The following GJD2 variants were observed in gnomAD, a reference collection of about 807,000 sequenced individuals.
The protein encoded by GJD2 is gap junction delta-2 protein.
In GJD2, 12 loss-of-function variants were observed where a neutral mutation model predicts 24.3. That is an observed-to-expected ratio of 0.49 (90% CI 0.32 to 0.80). The LOEUF (loss-of-function observed/expected upper bound fraction) is 0.80, where lower values mean the gene tolerates loss of function less well. Ranked by LOEUF, GJD2 falls within the 30% of genes least tolerant of loss-of-function variation. GJD2 has a pLI of 0.04. For synonymous variants in GJD2, 171 were observed against 155.2 expected (o/e 1.10, Z -0.76); for missense variants, 268 against 402.4 (o/e 0.67, Z 2.86).
Position 34,753,069 on chromosome 15 carries a change from T to G in GJD2, c.375A>C (p.Gly125=), listed in dbSNP as rs762797916. The G allele has an allele frequency of 2.5e-6, 4 of 1,613,884 alleles. No homozygotes were observed. Among genetic ancestry groups the G allele is most frequent in the Non-Finnish European group, 3.4e-6 (4 of 1,179,998 alleles). The change falls in exon 2 of 2, where the codon GGA becomes GGC. Residue 125 remains glycine (G), a synonymous_variant. Transcript: ENST00000290374. ...CCCCACCCCCAGTTCCTCCAGGACC[T>G]CCTATGGACTCAGGGGGGTCTCTGT... ...ALDRDPPESI[G]GPGGTGGGGS...
rs1240084201 is a variant in GJD2, at chr15:34,752,399, G to A, written c.*79C>T. The A allele has an allele frequency of 2.6e-6, 3 of 1,144,562 alleles. No homozygotes were observed. The highest frequency in any genetic ancestry group is 3.8e-6 in the Non-Finnish European group (3 of 790,536). 70.9% of individuals were successfully genotyped at this position (1,144,562 alleles called of 1,614,324 possible). On this transcript the variant is annotated 3_prime_UTR_variant, in exon 2 of 2. Coordinates refer to ENST00000290374, the MANE Select transcript of GJD2 (RefSeq NM_020660.3). ...TAATGGTGAGGGTCACATAAATGAG[G>A]GTGGATACAGCCACGTCTGAGCAGT...
In GJD2 at chr15:34,754,355, G is replaced by A. The variant is rs1447855082; in HGVS notation, c.71+63C>T. ...TTGGAGCGGGAGACTCAGTCCAGGTGTGAGAAGGGACTCCCGGGGGCCGCC... is the reference window on the plus strand; with the variant it reads ...TTGGAGCGGGAGACTCAGTCCAGGTATGAGAAGGGACTCCCGGGGGCCGCC... On this transcript the variant is annotated intron_variant, in intron 1 of 1. Transcript: ENST00000290374. This position sits in a 1 kb window ranked among gnomAD's most constrained non-coding sequence, Gnocchi z 5.9. The A allele has an allele frequency of 8.8e-6, 10 of 1,130,506 alleles. No individual in the cohort carries two copies. Among genetic ancestry groups the A allele is most frequent in the Middle Eastern group, 2.5e-4 (1 of 3,984 alleles). 70.0% of individuals were successfully genotyped at this position (1,130,506 alleles called of 1,614,324 possible). A position where few individuals can be genotyped will look rare whatever the true frequency, so the allele number is the denominator to read the frequency against.
Position 34,752,592 on chromosome 15 carries a change from C to T in GJD2, c.852G>A (p.Val284=). Residue 284 remains valine (V), a synonymous_variant, in exon 2 of 2, where the codon GTG becomes GTA. Transcript: ENST00000290374. ...HLGWRKIKLA[V]RGAQAKRKSI... ...ACTTTCTCTTGGCCTGAGCCCCTCG[C>T]ACAGCCAGCTTGATCTTGCGCCATC... 6 of 1,614,238 alleles carry T rather than the reference C, an allele frequency of 3.7e-6. No homozygotes were observed. The highest frequency in any genetic ancestry group is 5.1e-6 in the Non-Finnish European group (6 of 1,180,042).
At position 34,752,742 on chromosome 15, in the gene GJD2, G is replaced by A. The variant is rs1000561441; in HGVS notation, c.702C>T (p.Tyr234=). The A allele has an allele frequency of 2.5e-6, 4 of 1,614,070 alleles. No individual in the cohort carries two copies. Among genetic ancestry groups the A allele is most frequent in the African/African-American group, 2.7e-5 (2 of 74,932 alleles). Reference sequence around the variant, plus strand: ...AACATTCCACCTCCTTGATGCAGGGGTAGCGGTTACACTCATACAACCCTG... The same window carrying A: ...AACATTCCACCTCCTTGATGCAGGGATAGCGGTTACACTCATACAACCCTG... ...SVPGLYECNR[Y]PCIKEVECYV... The change falls in exon 2 of 2, where the codon TAC becomes TAT. Residue 234 remains tyrosine, a synonymous_variant. Coordinates refer to ENST00000290374, the MANE Select transcript of GJD2 (RefSeq NM_020660.3).
At position 34,754,357 on chromosome 15, in the gene GJD2, G is replaced by A; in HGVS notation, c.71+61C>T. On this transcript the variant is annotated intron_variant, in intron 1 of 1. Coordinates refer to ENST00000290374, the MANE Select transcript of GJD2 (RefSeq NM_020660.3). The surrounding 1 kb of genome is among the most constrained non-coding windows in gnomAD (Gnocchi z 5.9). ...GGAGCGGGAGACTCAGTCCAGGTGT[G>A]AGAAGGGACTCCCGGGGGCCGCCCG... The A allele has an allele frequency of 8.6e-7, 1 of 1,163,724 alleles. No homozygotes were observed. The highest frequency in any genetic ancestry group is 1.2e-5 in the South Asian group (1 of 81,586). The allele number at this position is 1,163,724 out of a possible 1,614,324, so 72.1% of individuals were successfully genotyped here.
rs570170803 is a variant in GJD2, at chr15:34,754,239, G to T, written c.71+179C>A. 3.0e-4 allele frequency among the ~76,000 whole-genome samples: 45 copies of T among 152,294 alleles called. No homozygotes were observed. The highest frequency in any genetic ancestry group is 9.4e-4 in the African/African-American group (39 of 41,578). Reference sequence around the variant, plus strand: ...GGTTAGGAGTAGCTAGAGGAGGGGGGCATCGCGGGGCGTCGGGTAATCCCT... The same window carrying T: ...GGTTAGGAGTAGCTAGAGGAGGGGGTCATCGCGGGGCGTCGGGTAATCCCT... On this transcript the variant is annotated intron_variant, in intron 1 of 1. Coordinates refer to ENST00000290374, the MANE Select transcript of GJD2 (RefSeq NM_020660.3). The surrounding 1 kb of genome is among the most constrained non-coding windows in gnomAD (Gnocchi z 5.9).
rs1891120227 is a variant in GJD2 at position 34,752,667 on chromosome 15, A to G, written c.777T>C (p.Ala259=). Residue 259 remains alanine (A), a synonymous_variant, in exon 2 of 2, where the codon GCT becomes GCC. Coordinates refer to ENST00000290374, the MANE Select transcript of GJD2 (RefSeq NM_020660.3). Reference sequence around the variant, plus strand: ...TGAGCACAACACAGATGCCACTTACAGCAAACATGAACACTAGAAAGACAG... The same window carrying G: ...TGAGCACAACACAGATGCCACTTACGGCAAACATGAACACTAGAAAGACAG... ...EKTVFLVFMF[A]VSGICVVLNL... is the part of the protein sequence containing the mutation. 1 of 1,614,240 alleles carries G rather than the reference A, an allele frequency of 6.2e-7. No homozygotes were observed. The highest frequency in any genetic ancestry group is 1.3e-5 in the African/African-American group (1 of 75,060).
Position 34,754,302 on chromosome 15 carries a change from G to A in GJD2, c.71+116C>T. The A allele has an allele frequency of 1.3e-6, 1 of 752,482 alleles. No homozygotes were observed. Among genetic ancestry groups the A allele is most frequent in the Non-Finnish European group, 2.3e-6 (1 of 426,826 alleles). The allele number at this position is 752,482 out of a possible 1,614,324, so 46.6% of individuals were successfully genotyped here. ...CACCGGAGCCTTGACCTAGGACGAT[G>A]GGGAGGAGGCAGAGGACGGACTGGG... On this transcript the variant is annotated intron_variant, in intron 1 of 1. Transcript: ENST00000290374. This position sits in a 1 kb window ranked among gnomAD's most constrained non-coding sequence, Gnocchi z 5.9.
At position 34,752,567 on chromosome 15, in the gene GJD2, A is replaced by G. The variant is rs765811174; in HGVS notation, c.877T>C (p.Ser293Pro). 4 of 1,614,194 alleles carry G rather than the reference A, an allele frequency of 2.5e-6. No individual in the cohort carries two copies. Among genetic ancestry groups the G allele is most frequent in the Non-Finnish European group, 3.4e-6 (4 of 1,180,030 alleles). ...AVRGAQAKRK[S>P]IYEIRNKDLP... ...TCCTTGTTACGAATCTCATAGATTG[A>G]CTTTCTCTTGGCCTGAGCCCCTCGC... Residue 293 changes from serine to proline, a missense_variant, in exon 2 of 2, where the codon TCA (serine) becomes CCA (proline). Physicochemically the swap from Ser to Pro is moderately conservative, Grantham distance 74. This residue lies in a region of GJD2 where 115 missense variants were observed against 195.2 expected (regional missense o/e 0.59). Transcript: ENST00000290374.
rs147559225 is a variant in GJD2 at position 34,753,218 on chromosome 15, T to G, written c.226A>C (p.Ile76Leu). 211 of 1,614,030 alleles carry G rather than the reference T, an allele frequency of 1.3e-4. No homozygotes were observed. Among genetic ancestry groups the G allele is most frequent in the Non-Finnish European group, 1.8e-4 (207 of 1,180,028 alleles). ...ATGATCTGGAAGACCCAGTAACGTA[T>G]GTGGGAGATGGGGAAGGCGCGGTCA... ...CYDRAFPISH[I>L]RYWVFQIIMV... is the part of the protein sequence containing the mutation. The change falls in exon 2 of 2, where the codon ATA (isoleucine) becomes CTA (leucine). Residue 76 changes from isoleucine (I) to leucine (L), a missense_variant. This residue lies in a region of GJD2 where 66 missense variants were observed against 129.5 expected (regional missense o/e 0.51). Transcript: ENST00000290374.
chr15:34,752,554 A>G lies in GJD2; in HGVS notation c.890T>C (p.Ile297Thr), dbSNP rs1319351096. The change falls in exon 2 of 2, where the codon ATT becomes ACT. Residue 297 changes from isoleucine (I) to threonine (T), a missense_variant. By Grantham distance (89) the Ile-to-Thr change is moderately conservative (BLOSUM62 -1). This residue lies in a region of GJD2 where 115 missense variants were observed against 195.2 expected (regional missense o/e 0.59). Coordinates refer to ENST00000290374, the MANE Select transcript of GJD2 (RefSeq NM_020660.3). ...GACCCTTGGCAGGTCCTTGTTACGAATCTCATAGATTGACTTTCTCTTGGC... is the reference window on the plus strand; with the variant it reads ...GACCCTTGGCAGGTCCTTGTTACGAGTCTCATAGATTGACTTTCTCTTGGC... ...AQAKRKSIYEIRNKDLPRVSV... is the reference protein window; with the variant it reads ...AQAKRKSIYETRNKDLPRVSV... 1.2e-6 allele frequency: 2 copies of G among 1,614,126 alleles called. No individual in the cohort carries two copies. Among genetic ancestry groups the G allele is most frequent in the East Asian group, 2.2e-5 (1 of 44,880 alleles).
chr15:34,753,965 A>G (rs1566960431), intron 1 of GJD2, among the ~76,000 whole-genome samples: 3 of 136,960 alleles, frequency 2.2e-5, no homozygotes, highest in Admixed American at 7.2e-5. Flanking sequence ...TACACCGCCA[A>G]ATAAGTTTGG....
chr15:34,754,720 G>T lies in GJD2; in HGVS notation c.-232C>A. On this transcript the variant is annotated 5_prime_UTR_variant, in exon 1 of 2. Transcript: ENST00000290374. This position sits in a 1 kb window ranked among gnomAD's most constrained non-coding sequence, Gnocchi z 5.9. Reference sequence around the variant, plus strand: ...CCGATGGGGCAGTTGGCGCGGTCTAGAGAGAGGGCACGAACCTCGGGCGCC... The same window carrying T: ...CCGATGGGGCAGTTGGCGCGGTCTATAGAGAGGGCACGAACCTCGGGCGCC... 2.1e-6 allele frequency: 1 copy of T among 472,766 alleles called. No individual in the cohort carries two copies. Among genetic ancestry groups the T allele is most frequent in the Non-Finnish European group, 3.8e-6 (1 of 261,794 alleles). 29.3% of individuals were successfully genotyped at this position (472,766 alleles called of 1,614,324 possible). A position where few individuals can be genotyped will look rare whatever the true frequency, so the allele number is the denominator to read the frequency against.
At position 34,754,431 on chromosome 15, in the gene GJD2, T is replaced by C; in HGVS notation, c.58A>G (p.Thr20Ala). 1 of 1,613,796 alleles carries C rather than the reference T, an allele frequency of 6.2e-7. No homozygotes were observed. Among genetic ancestry groups the C allele is most frequent in the Non-Finnish European group, 8.5e-7 (1 of 1,179,824 alleles). The change falls in exon 1 of 2, where the codon ACT becomes GCT. Residue 20 changes from threonine to alanine, a missense_variant. Thr to Ala is a moderately conservative substitution (Grantham distance 58). Around this residue, in one of 3 missense-constraint regions of GJD2, gnomAD observed 66 missense variants for 129.5 expected, o/e 0.51. Coordinates refer to ENST00000290374, the MANE Select transcript of GJD2 (RefSeq NM_020660.3). This position sits in a 1 kb window ranked among gnomAD's most constrained non-coding sequence, Gnocchi z 5.9. Reference sequence around the variant, plus strand: ...TGGCGCCCTTACCTCCCGATCATAGTGGAGTGCTGCTGCACCGCGGCTTCT... The same window carrying C: ...TGGCGCCCTTACCTCCCGATCATAGCGGAGTGCTGCTGCACCGCGGCTTCT... The part of the protein sequence containing the change: ...LLEAAVQQHS[T>A]MIGRILLTVV...
At position 34,754,996 on chromosome 15, in the gene GJD2, C is replaced by A; in HGVS notation, c.-508G>T. On this transcript the variant is annotated 5_prime_UTR_variant, in exon 1 of 2. Transcript: ENST00000290374. This position sits in a 1 kb window ranked among gnomAD's most constrained non-coding sequence, Gnocchi z 5.9. ...GAGCCGAATGCTGGGCTCGGGGATC[C>A]GCGGCCGCCGCCTCTAATCCGCCCT... The A allele has an allele frequency of 6.5e-6, 1 of 153,110 alleles. No individual in the cohort carries two copies. The highest frequency in any genetic ancestry group is 1.5e-5 in the Non-Finnish European group (1 of 68,638). The allele number at this position is 153,110 out of a possible 1,614,324, so 9.5% of individuals were successfully genotyped here.
Position 34,754,437 on chromosome 15 carries a change from G to A in GJD2, c.52C>T (p.His18Tyr). The change falls in exon 1 of 2, where the codon CAC becomes TAC. Residue 18 changes from histidine (H) to tyrosine (Y), a missense_variant. Coordinates refer to ENST00000290374, the MANE Select transcript of GJD2 (RefSeq NM_020660.3). This position sits in a 1 kb window ranked among gnomAD's most constrained non-coding sequence, Gnocchi z 5.9. ...ERLLEAAVQQ[H>Y]STMIGRILLT... ...CCTTACCTCCCGATCATAGTGGAGT[G>A]CTGCTGCACCGCGGCTTCTAGCAGC... 1 of 1,613,852 alleles carries A rather than the reference G, an allele frequency of 6.2e-7. No homozygotes were observed. The highest frequency in any genetic ancestry group is 1.7e-4 in the Middle Eastern group (1 of 6,052).
chr15:34,752,514 A>G lies in GJD2; in HGVS notation c.930T>C (p.Phe310=), dbSNP rs749201223. ...KDLPRVSVPN[F]GRTQSSDSAY... ...CAGAGTCACTGGACTGAGTCCTGCCAAAATTGGGAACACTGACCCTTGGCA... is the reference window on the plus strand; with the variant it reads ...CAGAGTCACTGGACTGAGTCCTGCCGAAATTGGGAACACTGACCCTTGGCA... The change falls in exon 2 of 2, where the codon TTT becomes TTC. Residue 310 remains phenylalanine, a synonymous_variant. Transcript: ENST00000290374. 6.2e-7 allele frequency: 1 copy of G among 1,614,166 alleles called. No individual in the cohort carries two copies. Among genetic ancestry groups the G allele is most frequent in the Non-Finnish European group, 8.5e-7 (1 of 1,180,008 alleles).
Position 34,753,115 on chromosome 15 carries a change from G to A in GJD2, c.329C>T (p.Ser110Phe). Residue 110 changes from serine (S) to phenylalanine (F), a missense_variant, in exon 2 of 2, where the codon TCT becomes TTT. Physicochemically the swap from Ser to Phe is radical, Grantham distance 155. This residue lies in a region of GJD2 where 87 missense variants were observed against 77.8 expected (regional missense o/e 1.12). Transcript: ENST00000290374. ...TCTGTCCAGGGCTAGGAAGACTGTA[G>A]AGTAGCGGCGTTCTCGCTGCTTGGC... Reference protein sequence around the residue: ...QSAKQRERRYSTVFLALDRDP... With the variant: ...QSAKQRERRYFTVFLALDRDP... The A allele has an allele frequency of 6.2e-7, 1 of 1,614,146 alleles. No individual in the cohort carries two copies. The highest frequency in any genetic ancestry group is 8.5e-7 in the Non-Finnish European group (1 of 1,180,018).
At position 34,753,083 on chromosome 15, in the gene GJD2, G is replaced by T; in HGVS notation, c.361C>A (p.Pro121Thr). The change falls in exon 2 of 2, where the codon CCT (proline) becomes ACT (threonine). Residue 121 changes from proline (P) to threonine (T), a missense_variant. By Grantham distance (38) the Pro-to-Thr change is conservative. Coordinates refer to ENST00000290374, the MANE Select transcript of GJD2 (RefSeq NM_020660.3). ...TVFLALDRDPPESIGGPGGTG... is the reference protein window; with the variant it reads ...TVFLALDRDPTESIGGPGGTG... ...CCTCCAGGACCTCCTATGGACTCAG[G>T]GGGGTCTCTGTCCAGGGCTAGGAAG... The T allele has an allele frequency of 6.2e-7, 1 of 1,614,052 alleles. No homozygotes were observed. The highest frequency in any genetic ancestry group is 8.5e-7 in the Non-Finnish European group (1 of 1,180,010).
Sources: allele counts gnomAD v4.1 joint callset (sites outside exome capture counted in the v4.1 genomes callset), GRCh38; gene constraint gnomAD v4.1.1; regional missense constraint gnomAD v4.1.1; non-coding constraint Gnocchi (gnomAD v3.1); transcripts MANE v1.5; gene names NCBI Gene and HGNC (gene_info 2026-07-23, HGNC 2026-07-21).